Variants in FBXL7 observed in about 807,000 individuals in gnomAD.
The protein encoded by FBXL7 is F-box and leucine rich repeat protein 7.
FBXL7 carries 12 observed loss-of-function variants against 38.3 expected under a neutral mutation model. The observed-to-expected ratio is 0.31, with a 90% CI of 0.20 to 0.51. FBXL7 has a LOEUF of 0.51. FBXL7 is among the 20% of genes least tolerant of loss of function. FBXL7 has a pLI of 0.98. For missense variants in FBXL7, 567 were observed against 676.4 expected (o/e 0.84, Z 1.79); for synonymous variants, 297 against 300.9 (o/e 0.99, Z 0.13).
intron 2 of FBXL7, among the ~76,000 whole-genome samples, chr5:15,797,811 GT>G (rs74440785): frequency 0.48 from 72,212 of 151,926 alleles, 20,561 homozygotes; most frequent in Non-Finnish European, 0.64. Context: ...CGAGAAATTT[GT>G]GACGTCTGTG....
intron 2 of FBXL7, among the ~76,000 whole-genome samples, chr5:15,875,633 G>T (rs776695839): frequency 2.6e-5 from 4 of 152,044 alleles, no homozygotes; most frequent in Non-Finnish European, 4.4e-5. Context: ...CATTTATACG[G>T]CCAGCAAACA....
At chr5:15,623,491 A>G (rs964104010) in intron 2 of FBXL7, among the ~76,000 whole-genome samples, 8 of 152,230 alleles carry the variant, frequency 5.3e-5, no homozygotes, top group African/African-American at 1.7e-4. Flanking sequence ...AGAATCACCA[A>G]TTTGAAGTCA....
chr5:15,737,270 T>C lies in FBXL7; in HGVS notation c.127+121198T>C, dbSNP rs530863257. Reference sequence around the variant, plus strand: ...TGGTTTCCATGTGTGCCTCCCCTGTTCCACTAAGTGGTCCTTGAAAGCGTG... The same window carrying C: ...TGGTTTCCATGTGTGCCTCCCCTGTCCCACTAAGTGGTCCTTGAAAGCGTG... On this transcript the variant is annotated intron_variant, in intron 2 of 3. Transcript: ENST00000504595. 1.1e-4 allele frequency among the ~76,000 whole-genome samples: 17 copies of C among 152,306 alleles called. 1 individual carries two copies. In the East Asian group the frequency reaches 3.1e-3, roughly 28 times the overall value.
chr5:15,529,336 G>T (rs1252374293), intron 1 of FBXL7, among the ~76,000 whole-genome samples: 1 of 151,534 alleles, frequency 6.6e-6, no homozygotes, highest in Non-Finnish European at 1.5e-5. Context: ...TACCTGGGTT[G>T]ATTCCATACC....
intron 2 of FBXL7, among the ~76,000 whole-genome samples, chr5:15,794,016 C>T (rs951090707): frequency 2.0e-5 from 3 of 152,206 alleles, no homozygotes; most frequent in Admixed American, 6.5e-5. Context: ...AAAGTTCTCT[C>T]GTGCCTGTGA....
intron 2 of FBXL7, among the ~76,000 whole-genome samples, chr5:15,758,128 TG>T (rs1294070141): frequency 6.6e-6 from 1 of 152,034 alleles, no homozygotes; most frequent in African/African-American, 2.4e-5. Context: ...TTCCAAAGAC[TG>T]GGGCCTCTTT....
intron 1 of FBXL7, among the ~76,000 whole-genome samples, chr5:15,573,806 GT>G (rs895756347): frequency 2.6e-5 from 4 of 152,168 alleles, no homozygotes; most frequent in Non-Finnish European, 4.4e-5. Context: ...CAAATTAATA[GT>G]TTATCACGAG....
At chr5:15,665,332 C>A (rs562286374) in intron 2 of FBXL7, among the ~76,000 whole-genome samples, 19 of 152,310 alleles carry the variant, frequency 1.2e-4, no homozygotes, top group Middle Eastern at 3.4e-3. Context: ...ACCCTCTAGT[C>A]CAAACTTGGT....
chr5:15,758,430 A>G (rs777242687), intron 2 of FBXL7, among the ~76,000 whole-genome samples: 2 of 152,040 alleles, frequency 1.3e-5, no homozygotes, highest in African/African-American at 4.8e-5. Context: ...AGTGACCATA[A>G]TACCAGGTAG....
At chr5:15,728,913 A>G (rs76595102) in intron 2 of FBXL7, among the ~76,000 whole-genome samples, 86 of 152,256 alleles carry the variant, frequency 5.6e-4, no homozygotes, top group African/African-American at 2.0e-3. Flanking sequence ...GCATTTCATG[A>G]ATTCCTTCCT....
At chr5:15,630,358 C>T (rs1321419340) in intron 2 of FBXL7, among the ~76,000 whole-genome samples, 1 of 152,106 alleles carries the variant, frequency 6.6e-6, no homozygotes, top group African/African-American at 2.4e-5. Flanking sequence ...TCTTCATCTG[C>T]TGATATCTCA....
At chr5:15,726,526 C>G (rs1744361396) in intron 2 of FBXL7, among the ~76,000 whole-genome samples, 1 of 151,942 alleles carries the variant, frequency 6.6e-6, no homozygotes, top group Non-Finnish European at 1.5e-5. Flanking sequence ...AACCCCGTCT[C>G]TACTAAAAAT....
chr5:15,789,649 G>T (rs1737222909), intron 2 of FBXL7, among the ~76,000 whole-genome samples: 1 of 152,144 alleles, frequency 6.6e-6, no homozygotes, highest in Admixed American at 6.5e-5. Context: ...TCCCCATCCT[G>T]CAAGGCTCTC....
chr5:15,551,833 G>A (rs1738082099), intron 1 of FBXL7, among the ~76,000 whole-genome samples: 1 of 152,162 alleles, frequency 6.6e-6, no homozygotes, highest in African/African-American at 2.4e-5. Flanking sequence ...ACTGGGAGAA[G>A]CTCGCAAGTC....
chr5:15,937,207 G>A lies in FBXL7; in HGVS notation c.*21G>A, dbSNP rs201901592. 1.4e-4 allele frequency: 218 copies of A among 1,553,016 alleles called. No individual in the cohort carries two copies. Among genetic ancestry groups the A allele is most frequent in the Middle Eastern group, 2.1e-4 (1 of 4,810 alleles). On this transcript the variant is annotated 3_prime_UTR_variant, in exon 4 of 4. Coordinates refer to ENST00000504595, the MANE Select transcript of FBXL7 (RefSeq NM_012304.5). The stretch of plus-strand genomic sequence containing the variant: ...TCTGAAGGGACAGAGTTCATCCGGC[G>A]TTGTATTCACACAAACCTGAACAAA...
rs563254235 is a variant in FBXL7, at chr5:15,832,578, G to A, written c.128-95312G>A. Among the ~76,000 whole-genome samples, 278 of 152,298 alleles carry A rather than the reference G, an allele frequency of 1.8e-3. 1 individual carries two copies. The highest frequency in any genetic ancestry group is 6.1e-3 in the African/African-American group (254 of 41,556). ...CCATCTCGAAAACAGCTAGTTTAAG[G>A]AGGTTTTGCAAGTGGCTATCAGTAG... On this transcript the variant is annotated intron_variant, in intron 2 of 3. Transcript: ENST00000504595.
chr5:15,561,021 T>C (rs1225117758), intron 1 of FBXL7, among the ~76,000 whole-genome samples: 1 of 152,192 alleles, frequency 6.6e-6, no homozygotes. Flanking sequence ...ATCTCACATG[T>C]TTCCGTTTTT....
At chr5:15,931,375 A>G (rs1261536484) in intron 3 of FBXL7, among the ~76,000 whole-genome samples, 1 of 152,100 alleles carries the variant, frequency 6.6e-6, no homozygotes, top group Non-Finnish European at 1.5e-5. Flanking sequence ...CTAACTGGAG[A>G]CCTGGAATCA....
At chr5:15,761,269 A>C (rs1374429408) in intron 2 of FBXL7, among the ~76,000 whole-genome samples, 1 of 152,170 alleles carries the variant, frequency 6.6e-6, no homozygotes. Flanking sequence ...CCTCTCTTTA[A>C]AAATAATTGT....
Sources: allele counts gnomAD v4.1 joint callset (sites outside exome capture counted in the v4.1 genomes callset), GRCh38; gene constraint gnomAD v4.1.1; transcripts MANE v1.5; gene names NCBI Gene and HGNC (gene_info 2026-07-23, HGNC 2026-07-21).